The following ZNG1C variants were observed in gnomAD, a reference collection of about 807,000 sequenced individuals.
ZNG1C encodes zinc-regulated GTPase metalloprotein activator 1C.
At chr9:68,259,796 C>A in the ZNG1C span, among the ~76,000 whole-genome samples, 1 of 152,128 alleles carries the variant, frequency 6.6e-6, no homozygotes, top group African/African-American at 2.4e-5. Flanking sequence ...CAGGCATGAG[C>A]CACCACGCCC....
At chr9:68,247,269 CCA>C in the ZNG1C span, among the ~76,000 whole-genome samples, 2 of 151,424 alleles carry the variant, frequency 1.3e-5, no homozygotes, top group African/African-American at 4.9e-5. Flanking sequence ...CATACAGAAT[CCA>C]GTATATAAAA....
At chr9:68,256,000 TTA>T in the ZNG1C span, among the ~76,000 whole-genome samples, 1 of 152,184 alleles carries the variant, frequency 6.6e-6, no homozygotes, top group African/African-American at 2.4e-5. Context: ...CAGGAAACCA[TTA>T]GATCTTGTGG....
chr9:68,247,093 A>G, the ZNG1C span, among the ~76,000 whole-genome samples: 2 of 152,210 alleles, frequency 1.3e-5, no homozygotes, highest in African/African-American at 4.8e-5. Context: ...TGGCCTCCCT[A>G]TAAGTTTAAT....
chr9:68,276,605 A>G, the ZNG1C span, among the ~76,000 whole-genome samples: 1 of 147,188 alleles, frequency 6.8e-6, no homozygotes, highest in African/African-American at 2.5e-5. Flanking sequence ...GTCAAAGATC[A>G]GATAGTTGTA....
the ZNG1C span, among the ~76,000 whole-genome samples, chr9:68,247,375 T>C: frequency 6.6e-6 from 1 of 150,600 alleles, no homozygotes. Flanking sequence ...AAGGAGGAAG[T>C]AGGTATGTTT....
the ZNG1C span, chr9:68,274,416 G>A: frequency 5.4e-6 from 1 of 185,034 alleles, no homozygotes; most frequent in Non-Finnish European, 1.1e-5. Context: ...CAGGGTCCTA[G>A]AGTAACTTAA....
chr9:68,287,435 T>C, the ZNG1C span, among the ~76,000 whole-genome samples: 1 of 151,982 alleles, frequency 6.6e-6, no homozygotes, highest in East Asian at 1.9e-4. Flanking sequence ...TATAAAAGAA[T>C]AAACAGAATA....
At chr9:68,270,665 C>G in the ZNG1C span, 1 of 214,232 alleles carries the variant, frequency 4.7e-6, no homozygotes, top group Non-Finnish European at 8.1e-6. Flanking sequence ...GGGCGGATCA[C>G]GAGGTCAGGA....
At chr9:68,247,704 A>C in the ZNG1C span, 5 of 824,446 alleles carry the variant, frequency 6.1e-6, no homozygotes, top group Non-Finnish European at 9.4e-6. Flanking sequence ...TCTGCTGTTC[A>C]GTGAAGTGAG....
At chr9:68,271,830 A>C in the ZNG1C span, among the ~76,000 whole-genome samples, 1 of 151,528 alleles carries the variant, frequency 6.6e-6, no homozygotes, top group East Asian at 1.9e-4. Context: ...GACTCTTGGG[A>C]GGTAGATTCA....
chr9:68,275,952 C>G, the ZNG1C span, among the ~76,000 whole-genome samples: 2 of 149,540 alleles, frequency 1.3e-5, no homozygotes, highest in Non-Finnish European at 3.0e-5. Flanking sequence ...TCTCCACATC[C>G]TCTCCAGCAC....
the ZNG1C span, chr9:68,270,952 A>G: frequency 6.7e-6 from 1 of 148,902 alleles, no homozygotes; most frequent in Non-Finnish European, 1.5e-5. Context: ...TCACTCTTAT[A>G]GAAGTTTTGT....
the ZNG1C span, chr9:68,256,933 CTA>C: frequency 8.2e-7 from 1 of 1,215,666 alleles, no homozygotes; most frequent in Non-Finnish European, 1.0e-6. Flanking sequence ...GCAGTGGCTT[CTA>C]TGTTTTGGGT....
At chr9:68,254,368 AT>A in the ZNG1C span, 3 of 122,430 alleles carry the variant, frequency 2.5e-5, no homozygotes, top group South Asian at 3.0e-4. Context: ...GTTGTTGAGA[AT>A]TTTCTTTAGT....
At chr9:68,285,761 G>C in the ZNG1C span, 1 of 589,734 alleles carries the variant, frequency 1.7e-6, no homozygotes, top group African/African-American at 1.9e-5. Context: ...TCTTTATTCT[G>C]TGCATATGTA....
At chr9:68,264,853 A>ATGTG in the ZNG1C span, among the ~76,000 whole-genome samples, 1 of 84,076 alleles carries the variant, frequency 1.2e-5, no homozygotes, top group African/African-American at 4.6e-5. Context: ...ATATATATAT[A>ATGTG]TATGTATAAT....
At chr9:68,292,030 C>T in the ZNG1C span, among the ~76,000 whole-genome samples, 1 of 151,862 alleles carries the variant, frequency 6.6e-6, no homozygotes, top group Non-Finnish European at 1.5e-5. Context: ...CCCCCCAGTA[C>T]CAGCCTGGAG....
chr9:68,274,273 T>A, the ZNG1C span: 1 of 149,422 alleles, frequency 6.7e-6, no homozygotes, highest in African/African-American at 2.4e-5. Flanking sequence ...CTGATTTGAA[T>A]CATTGGATTC....
the ZNG1C span, chr9:68,251,412 A>AT: frequency 5.4e-6 from 2 of 371,550 alleles, no homozygotes; most frequent in African/African-American, 4.7e-5. Context: ...ATTTGATAGC[A>AT]TTTTACCCAC....
Sources: allele counts gnomAD v4.1 joint callset (sites outside exome capture counted in the v4.1 genomes callset), GRCh38; gene constraint gnomAD v4.1.1; transcripts MANE v1.5; gene names NCBI Gene and HGNC (gene_info 2026-07-23, HGNC 2026-07-21).